The following SNX14 variants were observed in gnomAD, a reference collection of about 807,000 sequenced individuals.
The protein encoded by SNX14 is sorting nexin 14.
In SNX14, 93 loss-of-function variants were observed where a neutral mutation model predicts 133.8. The ratio of observed to expected loss-of-function variants is 0.70; its 90% CI spans 0.59 to 0.83. The LOEUF (loss-of-function observed/expected upper bound fraction) is 0.83. SNX14 is among the 40% of genes least tolerant of loss of function. SNX14 has a pLI of 0.00. For missense variants in SNX14, 945 were observed against 1,094.9 expected (o/e 0.86, Z 1.93); for synonymous variants, 368 against 365.6 (o/e 1.01, Z -0.07).
intron 5 of SNX14, 149 bp downstream of exon 5, chr6:85,567,385 G>A: frequency 1.8e-6 from 1 of 565,984 alleles, no homozygotes; most frequent in East Asian, 3.6e-5. Flanking sequence ...GCACAGTACT[G>A]CCCCCAAAAC....
intron 2 of SNX14, among the ~76,000 whole-genome samples, chr6:85,573,599 T>G: frequency 6.6e-6 from 1 of 152,218 alleles, no homozygotes; most frequent in South Asian, 2.1e-4. Context: ...CAGAAATAAA[T>G]TACTTTGGTT....
rs148684643 is a variant in SNX14 at position 85,580,648 on chromosome 6, A to G, written c.141-6270T>C. 9.9e-5 allele frequency among the ~76,000 whole-genome samples: 15 copies of G among 152,222 alleles called. No homozygotes were observed. The East Asian group carries it at 2.9e-3, about 29-fold the overall frequency. On this transcript the variant is annotated intron_variant, in intron 1 of 28. Transcript: ENST00000314673. ...AGTTGCAGGCCTGGCACCATTCACC[A>G]CAAGCTGACTAAGGAGGCCTTGGGC...
Position 85,560,950 on chromosome 6 carries a change from C to T in SNX14, c.550-2890G>A, listed in dbSNP as rs368564983. Among the ~76,000 whole-genome samples, 22 of 150,870 alleles carry T rather than the reference C, an allele frequency of 1.5e-4. 2 individuals carry two copies. The highest frequency in any genetic ancestry group is 4.6e-4 in the African/African-American group (19 of 41,078). ...TCCAGAGGCTGAGGCAGGAGAATCG[C>T]TTGAACCTGGGAGGTGGAGATTGCA... On this transcript the variant is annotated intron_variant, in intron 6 of 28. Transcript: ENST00000314673.
chr6:85,581,317 T>C (rs931728232), intron 1 of SNX14: 4 of 152,256 alleles, frequency 2.6e-5, no homozygotes, highest in African/African-American at 2.4e-5. Flanking sequence ...TATGGCTGCA[T>C]TGACCAAAAA....
chr6:85,557,299 T>C (rs1790092105), intron 7 of SNX14, among the ~76,000 whole-genome samples: 1 of 152,144 alleles, frequency 6.6e-6, no homozygotes, highest in South Asian at 2.1e-4. Flanking sequence ...TAGAGCTTGA[T>C]CTTAGAGCAT....
At chr6:85,577,147 C>T (rs1158201727) in intron 1 of SNX14, among the ~76,000 whole-genome samples, 1 of 152,124 alleles carries the variant, frequency 6.6e-6, no homozygotes, top group African/African-American at 2.4e-5. Context: ...GGTACAGTAG[C>T]TCATAACTGT....
At chr6:85,541,113 C>CT (rs1251220192) in intron 15 of SNX14, among the ~76,000 whole-genome samples, 1 of 151,844 alleles carries the variant, frequency 6.6e-6, no homozygotes, top group Non-Finnish European at 1.5e-5. Flanking sequence ...TCTGCTTCGC[C>CT]TCCCAAGTAG....
intron 21 of SNX14, among the ~76,000 whole-genome samples, chr6:85,519,114 T>C (rs1681401529): frequency 6.6e-6 from 1 of 152,148 alleles, no homozygotes; most frequent in South Asian, 2.1e-4. Flanking sequence ...TCAAACCTAG[T>C]CAGTAACCAG....
chr6:85,543,617 C>G lies in SNX14; in HGVS notation c.1252G>C (p.Glu418Gln). The G allele has an allele frequency of 6.3e-7, 1 of 1,579,410 alleles. No homozygotes were observed. Among genetic ancestry groups the G allele is most frequent in the Non-Finnish European group, 8.6e-7 (1 of 1,160,598 alleles). ...KIRFDPFIVE[E>Q]IQRIAEGPYI... ...GTCTTTGACTTACTTCTTTGAATCTCTTCTACAATGAAGGGATCAAATCTA... is the reference window on the plus strand; with the variant it reads ...GTCTTTGACTTACTTCTTTGAATCTGTTCTACAATGAAGGGATCAAATCTA... Residue 418 changes from glutamate to glutamine, a missense_variant, in exon 13 of 29, where the codon GAG (glutamate) becomes CAG (glutamine). This residue lies in a region of SNX14 where 514 missense variants were observed against 538.8 expected (regional missense o/e 0.95). Coordinates refer to ENST00000314673, the MANE Select transcript of SNX14 (RefSeq NM_153816.6).
At chr6:85,544,792 C>T (rs1320112638) in intron 12 of SNX14, among the ~76,000 whole-genome samples, 2 of 152,104 alleles carry the variant, frequency 1.3e-5, no homozygotes, top group Non-Finnish European at 2.9e-5. Context: ...AAATTTATCT[C>T]CAGCATATTT....
At chr6:85,520,033 T>TAGTAGTAGC (rs1776336153) in intron 21 of SNX14, among the ~76,000 whole-genome samples, 3 of 151,760 alleles carry the variant, frequency 2.0e-5, no homozygotes, top group South Asian at 4.2e-4. Context: ...GTAGTAGTAG[T>TAGTAGTAGC]AGTAGTAGCA....
intron 18 of SNX14, 127 bp downstream of exon 18, chr6:85,533,472 T>C (rs1309152165): frequency 1.2e-6 from 1 of 838,228 alleles, no homozygotes; most frequent in Non-Finnish European, 1.8e-6. Flanking sequence ...TTTTCTGTTC[T>C]GGACACTTCT....
intron 1 of SNX14, among the ~76,000 whole-genome samples, chr6:85,585,928 A>T (rs981739702): frequency 6.6e-6 from 1 of 150,504 alleles, no homozygotes; most frequent in Non-Finnish European, 1.5e-5. Flanking sequence ...ATATCCACTG[A>T]TGTGATGCAA....
At chr6:85,585,778 G>A (rs1194592742) in intron 1 of SNX14, among the ~76,000 whole-genome samples, 1 of 151,916 alleles carries the variant, frequency 6.6e-6, no homozygotes, top group Non-Finnish European at 1.5e-5. Context: ...GAGAGAATTC[G>A]AGAATAACCA....
rs756092509 is a variant in SNX14, at chr6:85,530,288, T to C, written c.1811-13A>G. 2.7e-6 allele frequency: 4 copies of C among 1,496,294 alleles called. No individual in the cohort carries two copies. Among genetic ancestry groups the C allele is most frequent in the Admixed American group, 1.8e-5 (1 of 55,598 alleles). The allele number at this position is 1,496,294 out of a possible 1,614,324, so 92.7% of individuals were successfully genotyped here. ...GGCTCGTGTCCAACTGTAAATTGAG[T>C]ACACACACACTGAGTAACAAATAAT... On this transcript the variant is annotated splice_polypyrimidine_tract_variant and intron_variant, in intron 18 of 28. Transcript: ENST00000314673.
chr6:85,572,400 G>A lies in SNX14; in HGVS notation c.262-26C>T, dbSNP rs778026282. On this transcript the variant is annotated intron_variant, in intron 2 of 28. Transcript: ENST00000314673. ...CTAAAAAAGGAAAATGAGAGGTGGT[G>A]GGGAGATCCATCTTTACATAACATC... 1.6e-5 allele frequency: 25 copies of A among 1,526,882 alleles called. 1 individual carries two copies. The South Asian group carries it at 2.8e-4, about 17-fold the overall frequency. 94.6% of individuals were successfully genotyped at this position (1,526,882 alleles called of 1,614,324 possible).
At chr6:85,569,008 C>T (rs1386895075) in intron 4 of SNX14, among the ~76,000 whole-genome samples, 4 of 151,586 alleles carry the variant, frequency 2.6e-5, no homozygotes, top group African/African-American at 4.9e-5. Context: ...TCTTCTTGCC[C>T]GGGCTGGAGT....
chr6:85,509,006 T>A (rs1389164901), intron 26 of SNX14, among the ~76,000 whole-genome samples: 2 of 152,198 alleles, frequency 1.3e-5, no homozygotes, highest in Non-Finnish European at 2.9e-5. Context: ...CCAATACAAA[T>A]CTTTGTTAAT....
At chr6:85,518,910 G>A (rs1279524798) in intron 21 of SNX14, among the ~76,000 whole-genome samples, 1 of 152,106 alleles carries the variant, frequency 6.6e-6, no homozygotes, top group Non-Finnish European at 1.5e-5. Context: ...TGCTCAATCT[G>A]ATTTCAAATA....
Sources: gnomAD v4.1 joint callset for allele counts (sites outside exome capture counted in the v4.1 genomes callset) on GRCh38, gnomAD v4.1.1 for gene constraint, gnomAD v4.1.1 regional missense constraint, MANE v1.5 for transcripts, NCBI Gene and HGNC (gene_info 2026-07-23, HGNC 2026-07-21) for gene names.